Variants in KDM6A observed in about 807,000 individuals in gnomAD.
KDM6A encodes the protein lysine demethylase 6A.
A neutral mutation model predicts 117.6 loss-of-function variants in KDM6A; 11 were observed. The observed-to-expected ratio is 0.09, with a 90% confidence interval of 0.06 to 0.15. The LOEUF (loss-of-function observed/expected upper bound fraction) is 0.15. Among genes scored for constraint, KDM6A ranks in the 10% least tolerant of loss-of-function variants. The pLI, the probability that KDM6A is intolerant of heterozygous loss-of-function variation, is 1.00. For synonymous variants in KDM6A, 384 were observed against 396.1 expected (o/e 0.97, Z 0.36); for missense variants, 799 against 1,077.3 (o/e 0.74, Z 3.62).
intron 21 of KDM6A, 32 bp downstream of exon 21, chrX:45,079,383 G>A (rs2148123032): frequency 9.5e-7 from 1 of 1,048,348 alleles, no homozygotes; most frequent in Non-Finnish European, 1.3e-6. Flanking sequence ...ATTATTTTAG[G>A]ATTTTAAAGA....
chrX:45,092,788 A>G (rs1325251820), intron 27 of KDM6A, among the ~76,000 whole-genome samples: 1 of 111,555 alleles, frequency 9.0e-6, no homozygotes, highest in Non-Finnish European at 1.9e-5. Flanking sequence ...TTTTCTGCTT[A>G]GCCCTGAATA....
At chrX:44,982,599 A>T (rs910845907) in intron 4 of KDM6A, among the ~76,000 whole-genome samples, 2 of 111,806 alleles carry the variant, frequency 1.8e-5, no homozygotes, top group Non-Finnish European at 3.8e-5. Flanking sequence ...TGGGTATGCT[A>T]ATTATAGATA....
rs897690887 is a variant in KDM6A, at chrX:45,007,357, A to C, written c.385-3604A>C. Among the ~76,000 whole-genome samples the C allele has an allele frequency of 7.2e-5, 8 of 111,339 alleles. No homozygotes were observed. In the Admixed American group the frequency reaches 7.6e-4, roughly 11 times the overall value. On this transcript the variant is annotated intron_variant, in intron 4 of 29. Coordinates refer to ENST00000611820, the MANE Select transcript of KDM6A (RefSeq NM_001291415.2). ...GCTTCTTTTTATTTCCTATTTTAAAAAATCTTTAAAGTAAAATCTTTAAAG... is the reference window on the plus strand; with the variant it reads ...GCTTCTTTTTATTTCCTATTTTAAACAATCTTTAAAGTAAAATCTTTAAAG...
intron 6 of KDM6A, among the ~76,000 whole-genome samples, chrX:45,021,348 C>A (rs972229185): frequency 9.0e-6 from 1 of 111,674 alleles, no homozygotes; most frequent in African/African-American, 3.3e-5. Flanking sequence ...TTAGGTCTTG[C>A]TGGGCTTTTT....
chrX:45,008,938 A>G (rs770092304), intron 4 of KDM6A, among the ~76,000 whole-genome samples: 2 of 112,050 alleles, frequency 1.8e-5, no homozygotes, highest in East Asian at 5.6e-4. Context: ...CCATATTTTT[A>G]CATTTGACAA....
chrX:44,951,255 C>T (rs186775466), intron 2 of KDM6A, among the ~76,000 whole-genome samples: 172 of 111,341 alleles, frequency 1.5e-3, no homozygotes, highest in South Asian at 5.6e-3. Context: ...GGATTTTGAG[C>T]GTTATTCCTA....
In KDM6A at chrX:44,873,984, C is replaced by G. The variant is rs1042038341; in HGVS notation, c.222C>G (p.Gly74=). The G allele has an allele frequency of 1.1e-5, 13 of 1,207,794 alleles. No individual in the cohort carries two copies. Among genetic ancestry groups the G allele is most frequent in the Admixed American group, 2.2e-5 (1 of 45,949 alleles). Residue 74 remains glycine, a synonymous_variant, in exon 2 of 30, where the codon GGC becomes GGG. Transcript: ENST00000611820. The part of the protein sequence containing the change: ...EDGARTKALL[G]KAVRCYESLI... Reference sequence around the variant, plus strand: ...GCGCCAGGACGAAGGCCCTACTGGGCAAGGTAAGGCAGCTGCGAGTCGGAG... The same window carrying G: ...GCGCCAGGACGAAGGCCCTACTGGGGAAGGTAAGGCAGCTGCGAGTCGGAG...
rs181552652 is a variant in KDM6A, at chrX:45,043,241, G to T, written c.654+5552G>T. Among the ~76,000 whole-genome samples the T allele has an allele frequency of 5.4e-5, 6 of 111,269 alleles. No homozygotes were observed. The East Asian group carries it at 1.7e-3, about 31-fold the overall frequency. On this transcript the variant is annotated intron_variant, in intron 8 of 29. Coordinates refer to ENST00000611820, the MANE Select transcript of KDM6A (RefSeq NM_001291415.2). ...GGAGGTGGAAGTTGCAGGGATCTGAGATCTCGCCACTGCGCTCCAGCCTGG... is the reference window on the plus strand; with the variant it reads ...GGAGGTGGAAGTTGCAGGGATCTGATATCTCGCCACTGCGCTCCAGCCTGG...
intron 6 of KDM6A, among the ~76,000 whole-genome samples, chrX:45,032,547 TTTTTTG>T (rs1333085706): frequency 8.9e-6 from 1 of 111,907 alleles, no homozygotes; most frequent in Non-Finnish European, 1.9e-5. Flanking sequence ...TATTCGTGTT[TTTTTTG>T]TTTTTGTTTT....
At chrX:44,905,233 C>CA (rs777006620) in intron 2 of KDM6A, among the ~76,000 whole-genome samples, 33 of 112,445 alleles carry the variant, frequency 2.9e-4, no homozygotes, top group African/African-American at 1.1e-3. Context: ...CCATGAGCTA[C>CA]AGTCATCTGC....
intron 2 of KDM6A, among the ~76,000 whole-genome samples, chrX:44,896,437 GGTGTGATAAATTTTGCTTC>G: frequency 9.0e-6 from 1 of 111,008 alleles, no homozygotes; most frequent in Non-Finnish European, 1.9e-5. Flanking sequence ...CACATCAGAT[GGTGTGATAAATTTTGCTTC>G]AACCAGCAAA....
At position 45,111,466 on chromosome X, in the gene KDM6A, G is replaced by A; in HGVS notation, c.*55G>A. 1.0e-6 allele frequency: 1 copy of A among 992,360 alleles called. No homozygotes were observed. The highest frequency in any genetic ancestry group is 1.4e-6 in the Non-Finnish European group (1 of 697,380). The allele number at this position is 992,360 out of a possible 1,213,427, so 81.8% of individuals were successfully genotyped here. ...TTTCTGCTATTCAGGAAATAACCCA[G>A]TTCTGCACCACTGGTTTTTGTAGCT... On this transcript the variant is annotated 3_prime_UTR_variant, in exon 30 of 30. Transcript: ENST00000611820.
chrX:45,068,284 A>G (rs1387595701), intron 17 of KDM6A, among the ~76,000 whole-genome samples: 2 of 111,100 alleles, frequency 1.8e-5, no homozygotes, highest in Non-Finnish European at 3.8e-5. Flanking sequence ...AGTAAAATGA[A>G]ATGAAAATAT....
intron 2 of KDM6A, among the ~76,000 whole-genome samples, chrX:44,875,768 T>C (rs1033587604): frequency 9.0e-6 from 1 of 111,400 alleles, no homozygotes; most frequent in Non-Finnish European, 1.9e-5. Flanking sequence ...GCCAAATCGA[T>C]TGCTTTTGGT....
intron 4 of KDM6A, among the ~76,000 whole-genome samples, chrX:44,996,600 T>A (rs774550999): frequency 1.8e-5 from 2 of 110,655 alleles, no homozygotes; most frequent in East Asian, 5.8e-4. Context: ...GCCAACCTCT[T>A]CTGCTAGATT....
intron 27 of KDM6A, among the ~76,000 whole-genome samples, chrX:45,093,181 G>T (rs765162250): frequency 1.5e-4 from 16 of 109,004 alleles, no homozygotes; most frequent in Non-Finnish European, 2.5e-4. Flanking sequence ...TCAGGAGTTT[G>T]AGACCAGGCT....
chrX:44,929,659 A>AGTGGAGTGGTTGGATTGTATG, intron 2 of KDM6A, among the ~76,000 whole-genome samples: 2 of 111,439 alleles, frequency 1.8e-5, no homozygotes, highest in African/African-American at 6.5e-5. Flanking sequence ...AATACCTAGG[A>AGTGGAGTGGTTGGATTGTATG]GTGGAGTGGT....
At chrX:44,916,686 C>T (rs766089534) in intron 2 of KDM6A, among the ~76,000 whole-genome samples, 2 of 110,612 alleles carry the variant, frequency 1.8e-5, no homozygotes, top group African/African-American at 6.6e-5. Flanking sequence ...CTCACTGTCA[C>T]CTAGGCTGGA....
In KDM6A at chrX:45,105,910, C is replaced by T. The variant is rs140503911; in HGVS notation, c.4035-1500C>T. Reference sequence around the variant, plus strand: ...GATTCTCATAGGAGCAGGAACACTACTGTGAACTGCACATGCAAGGCATCT... The same window carrying T: ...GATTCTCATAGGAGCAGGAACACTATTGTGAACTGCACATGCAAGGCATCT... On this transcript the variant is annotated intron_variant, in intron 27 of 29. Transcript: ENST00000611820. 8.4e-3 allele frequency among the ~76,000 whole-genome samples: 945 copies of T among 112,305 alleles called. 11 individuals are homozygous for T. The highest frequency in any genetic ancestry group is 0.029 in the African/African-American group (908 of 30,912).
Sources: allele counts gnomAD v4.1 joint callset (sites outside exome capture counted in the v4.1 genomes callset), GRCh38; gene constraint gnomAD v4.1.1; transcripts MANE v1.5; gene names NCBI Gene and HGNC (gene_info 2026-07-23, HGNC 2026-07-21).